Variants in SSRP1 observed in about 807,000 individuals in gnomAD.
The protein encoded by SSRP1 is FACT complex subunit SSRP1.
Under a neutral mutation model 84.4 loss-of-function variants are expected in SSRP1, and 21 were observed. The ratio of observed to expected loss-of-function variants is 0.25; its 90% CI spans 0.18 to 0.36. The LOEUF is 0.36. Among genes scored for constraint, SSRP1 ranks in the 10% least tolerant of loss-of-function variants. The pLI is 1.00. For synonymous variants in SSRP1, 319 were observed against 318.3 expected (o/e 1.00, Z -0.02); for missense variants, 519 against 900.8 (o/e 0.58, Z 5.43).
chr11:57,326,613 C>A lies in SSRP1; in HGVS notation c.2058+90G>T, dbSNP rs73472534. The A allele has an allele frequency of 7.4e-3, 11,680 of 1,581,398 alleles. 724 individuals are homozygous for A. In the African/African-American group the frequency reaches 0.14, roughly 19 times the overall value. ...CAGAACCTCAGAATTCCACCATCCACTCCAACTCATTACTCTTACAGACCA... is the reference window on the plus strand; with the variant it reads ...CAGAACCTCAGAATTCCACCATCCAATCCAACTCATTACTCTTACAGACCA... On this transcript the variant is annotated intron_variant, in intron 16 of 16. Transcript: ENST00000278412.
At chr11:57,334,948 A>G in intron 2 of SSRP1, 120 bp downstream of exon 2, 1 of 1,173,996 alleles carries the variant, frequency 8.5e-7, no homozygotes, top group Non-Finnish European at 1.3e-6. Context: ...CACTAGGTAC[A>G]CATTATACTG....
At chr11:57,329,283 C>T (rs1027633841) in intron 12 of SSRP1, 1 of 152,218 alleles carries the variant, frequency 6.6e-6, no homozygotes, top group African/African-American at 2.4e-5. Flanking sequence ...TCCCAATTTT[C>T]TGTTGGGAAC....
At position 57,332,520 on chromosome 11, in the gene SSRP1, A is replaced by G. The variant is rs370473241; in HGVS notation, c.769-34T>C. ...GAAGAGTACTAATTGACACTCTACA[A>G]CAACTTGCAATTAACCAACGTAGAA... On this transcript the variant is annotated intron_variant, in intron 6 of 16. Coordinates refer to ENST00000278412, the MANE Select transcript of SSRP1 (RefSeq NM_003146.3). The surrounding 1 kb of genome is among the most constrained non-coding windows in gnomAD (Gnocchi z 5.5). 1.4e-5 allele frequency: 22 copies of G among 1,611,360 alleles called. No homozygotes were observed. The African/African-American group carries it at 2.9e-4, about 22-fold the overall frequency.
At chr11:57,331,613 G>C (rs1856092961) in intron 9 of SSRP1, 55 bp downstream of exon 9, 1 of 1,481,684 alleles carries the variant, frequency 6.7e-7, no homozygotes, top group Admixed American at 1.7e-5. Context: ...AGCCTTCCTA[G>C]ACAAAGCTGG....
rs752279750 is a variant in SSRP1, at chr11:57,328,373, C to A, written c.1535G>T (p.Arg512Leu). Residue 512 changes from arginine to leucine, a missense_variant, in exon 13 of 17, where the codon CGG (arginine) becomes CTG (leucine). Coordinates refer to ENST00000278412, the MANE Select transcript of SSRP1 (RefSeq NM_003146.3). ...SSSSNEGDSD[R>L]DEKKRKQLKK... ...GAGCTGTTTCCGCTTCTTCTCATCC[C>A]GGTCACTGTCACCCTCATTACTGGA... 1 of 1,614,190 alleles carries A rather than the reference C, an allele frequency of 6.2e-7. No homozygotes were observed. Among genetic ancestry groups the A allele is most frequent in the East Asian group, 2.2e-5 (1 of 44,886 alleles).
In SSRP1 at chr11:57,330,650, G is replaced by T; in HGVS notation, c.1296+205C>A. The T allele has an allele frequency of 6.9e-7, 1 of 1,443,174 alleles. No individual in the cohort carries two copies. The highest frequency in any genetic ancestry group is 9.1e-7 in the Non-Finnish European group (1 of 1,103,964). 89.4% of individuals were successfully genotyped at this position (1,443,174 alleles called of 1,614,324 possible). On this transcript the variant is annotated intron_variant, in intron 10 of 16. Transcript: ENST00000278412. The surrounding 1 kb of genome is among the most constrained non-coding windows in gnomAD (Gnocchi z 4.0). The stretch of plus-strand genomic sequence containing the variant: ...AGCCCCTCCCTCTCCCAGCCCCACT[G>T]GGGGCTCCTGAGGGGCTGCATAGAC...
In SSRP1 at chr11:57,326,136, C is replaced by CTT. The variant is rs1035095269; in HGVS notation, c.*269_*270dup. 30 of 532,158 alleles carry CTT rather than the reference C, an allele frequency of 5.6e-5. No homozygotes were observed. The highest frequency in any genetic ancestry group is 5.1e-4 in the African/African-American group (27 of 52,862). The allele number at this position is 532,158 out of a possible 1,614,324, so 33.0% of individuals were successfully genotyped here. Reference sequence around the variant, plus strand: ...GAACAGGACAAGCAGCAGCTACATCCTTAAGGTCGGGAAAGTAAGATGAGG... The same window carrying CTT: ...GAACAGGACAAGCAGCAGCTACATCCTTTTAAGGTCGGGAAAGTAAGATGAGG... On this transcript the variant is annotated 3_prime_UTR_variant, in exon 17 of 17. Transcript: ENST00000278412.
At chr11:57,334,324 C>A in intron 3 of SSRP1, 139 bp downstream of exon 3, 1 of 916,210 alleles carries the variant, frequency 1.1e-6, no homozygotes, top group East Asian at 2.4e-5. Flanking sequence ...ACACTGATTG[C>A]CTGATGGCCT....
Position 57,335,284 on chromosome 11 carries a change from C to T in SSRP1, c.-119-44G>A. The T allele has an allele frequency of 1.4e-6, 1 of 715,070 alleles. No homozygotes were observed. The highest frequency in any genetic ancestry group is 2.5e-6 in the Non-Finnish European group (1 of 403,174). 44.3% of individuals were successfully genotyped at this position (715,070 alleles called of 1,614,324 possible). On this transcript the variant is annotated intron_variant, in intron 1 of 16. Coordinates refer to ENST00000278412, the MANE Select transcript of SSRP1 (RefSeq NM_003146.3). This position sits in a 1 kb window ranked among gnomAD's most constrained non-coding sequence, Gnocchi z 4.6. ...CAGATAAGCATGAAAGACAGCACCT[C>T]GCTGTGCTCACGGATGGAGCCAGGT...
At chr11:57,327,196 C>G (rs1590603888) in intron 15 of SSRP1, 2 of 653,710 alleles carry the variant, frequency 3.1e-6, no homozygotes, top group Non-Finnish European at 2.6e-6. Context: ...TTCCCCCATA[C>G]CTTCAAATAA....
rs1485791376 is a variant in SSRP1, at chr11:57,335,378, A to T, written c.-119-138T>A. The T allele has an allele frequency of 6.5e-6, 3 of 459,094 alleles. No homozygotes were observed. The highest frequency in any genetic ancestry group is 1.2e-5 in the Non-Finnish European group (3 of 246,170). 28.4% of individuals were successfully genotyped at this position (459,094 alleles called of 1,614,324 possible). On this transcript the variant is annotated intron_variant, in intron 1 of 16. Coordinates refer to ENST00000278412, the MANE Select transcript of SSRP1 (RefSeq NM_003146.3). This position sits in a 1 kb window ranked among gnomAD's most constrained non-coding sequence, Gnocchi z 4.6. ...CTGGAAACCTACAGACGGACGCTGC[A>T]GTGCCCGAGGGTCCAGGTCCAGGCC...
intron 3 of SSRP1, 127 bp downstream of exon 3, chr11:57,334,336 A>G: frequency 9.1e-7 from 1 of 1,100,526 alleles, no homozygotes; most frequent in African/African-American, 1.6e-5. Context: ...TGATGGCCTC[A>G]CAGCCCTGCT....
In SSRP1 at chr11:57,327,871, G is replaced by T; in HGVS notation, c.1623C>A (p.Gly541=). The T allele has an allele frequency of 6.2e-7, 1 of 1,613,734 alleles. No homozygotes were observed. Among genetic ancestry groups the T allele is most frequent in the Non-Finnish European group, 8.5e-7 (1 of 1,179,832 alleles). ...SRKKPVEVKK[G]KDPNAPKRPM... ...GCCTCTTGGGGGCATTGGGGTCTTT[G>T]CCCTTCTTCACCTACATAAGAACCC... Residue 541 remains glycine (G), a synonymous_variant, in exon 14 of 17, where the codon GGC becomes GGA. Coordinates refer to ENST00000278412, the MANE Select transcript of SSRP1 (RefSeq NM_003146.3).
In SSRP1 at chr11:57,326,428, T is replaced by C. The variant is rs182050826; in HGVS notation, c.2109A>G (p.Ser703=). The change falls in exon 17 of 17, where the codon TCA becomes TCG. Residue 703 remains serine (S), a synonymous_variant. Transcript: ENST00000278412. ...LASTPPSSED[S]ASGSDE is the part of the protein sequence containing the mutation. ...GTTTCTACTCATCGGATCCTGACGC[T>C]GAGTCCTCTGAGCTGGGGGGAGTAC... The C allele has an allele frequency of 4.5e-4, 728 of 1,614,202 alleles. 7 individuals are homozygous for C. The highest frequency in any genetic ancestry group is 4.9e-5 in the Non-Finnish European group (58 of 1,180,032).
intron 12 of SSRP1, 137 bp downstream of exon 12, chr11:57,329,956 A>G (rs1338310316): frequency 1.6e-5 from 17 of 1,051,762 alleles, no homozygotes; most frequent in African/African-American, 4.7e-5. Flanking sequence ...ACATTTTCGT[A>G]TATCACCTCA....
In SSRP1 at chr11:57,329,725, G is replaced by A. The variant is rs1458224109; in HGVS notation, c.1481+368C>T. On this transcript the variant is annotated intron_variant, in intron 12 of 16. Coordinates refer to ENST00000278412, the MANE Select transcript of SSRP1 (RefSeq NM_003146.3). ...AAAAGTCTTAACCAATTTAGCAGGGGTACTACTGCATTTCTACTGATGAGG... is the reference window on the plus strand; with the variant it reads ...AAAAGTCTTAACCAATTTAGCAGGGATACTACTGCATTTCTACTGATGAGG... The A allele has an allele frequency of 9.0e-6, 3 of 332,274 alleles. No homozygotes were observed. In the Admixed American group the frequency reaches 1.4e-4, roughly 15 times the overall value. The allele number at this position is 332,274 out of a possible 1,614,324, so 20.6% of individuals were successfully genotyped here. A position where few individuals can be genotyped will look rare whatever the true frequency, so the allele number is the denominator to read the frequency against.
chr11:57,332,127 C>T lies in SSRP1; in HGVS notation c.1001+25G>A, dbSNP rs11229000. Reference sequence around the variant, plus strand: ...CGGCATTTCCCATACCCAGGCAGGGCAGGATCCCAGGCCCACACTCTCACC... The same window carrying T: ...CGGCATTTCCCATACCCAGGCAGGGTAGGATCCCAGGCCCACACTCTCACC... On this transcript the variant is annotated intron_variant, in intron 8 of 16. Transcript: ENST00000278412. The surrounding 1 kb of genome is among the most constrained non-coding windows in gnomAD (Gnocchi z 5.5). The T allele has an allele frequency of 6.3e-4, 1,022 of 1,612,814 alleles. 6 individuals carry two copies. The African/African-American group carries it at 0.012, about 20-fold the overall frequency.
rs1856125553 is a variant in SSRP1, at chr11:57,333,032, T to A, written c.464A>T (p.Asp155Val). ...EVTLEFHQNDDAEVSLMEVRF... is the reference protein window; with the variant it reads ...EVTLEFHQNDVAEVSLMEVRF... Reference sequence around the variant, plus strand: ...CACCTCCATGAGAGACACCTCTGCGTCATCGTTTTGGTGGAATTCCAGTGT... The same window carrying A: ...CACCTCCATGAGAGACACCTCTGCGACATCGTTTTGGTGGAATTCCAGTGT... Residue 155 changes from aspartate to valine, a missense_variant, in exon 5 of 17, where the codon GAC (aspartate) becomes GTC (valine). Around this residue, in one of 7 missense-constraint regions of SSRP1, gnomAD observed 159 missense variants for 359.0 expected, o/e 0.44. Transcript: ENST00000278412. The A allele has an allele frequency of 6.2e-7, 1 of 1,614,136 alleles. No individual in the cohort carries two copies.
rs1590608021 is a variant in SSRP1, at chr11:57,331,033, C to T, written c.1224-106G>A. 4 of 1,299,938 alleles carry T rather than the reference C, an allele frequency of 3.1e-6. No individual in the cohort carries two copies. In the South Asian group the frequency reaches 3.7e-5, roughly 12 times the overall value. The allele number at this position is 1,299,938 out of a possible 1,614,324, so 80.5% of individuals were successfully genotyped here. On this transcript the variant is annotated intron_variant, in intron 9 of 16. Transcript: ENST00000278412. ...CTGGGGTAGACTGTGGAGCCTGGAG[C>T]TCTTGACTATGCTACCCAACCCAAC...
Sources: allele counts gnomAD v4.1 joint callset, GRCh38; gene constraint gnomAD v4.1.1; regional missense constraint gnomAD v4.1.1; non-coding constraint Gnocchi (gnomAD v3.1); transcripts MANE v1.5; gene names NCBI Gene and HGNC (gene_info 2026-07-23, HGNC 2026-07-21).